The following KDM7A variants were observed in gnomAD, a reference collection of about 807,000 sequenced individuals.
The protein encoded by KDM7A is lysine-specific demethylase 7A.
A neutral mutation model predicts 114.8 loss-of-function variants in KDM7A; 28 were observed. The ratio of observed to expected loss-of-function variants is 0.24; its 90% CI spans 0.18 to 0.33. The LOEUF (loss-of-function observed/expected upper bound fraction) is 0.33, where lower values mean the gene tolerates loss of function less well. KDM7A is among the 10% of genes least tolerant of loss of function. KDM7A has a pLI of 1.00. For missense variants in KDM7A, 942 were observed against 1,142.5 expected (o/e 0.82, Z 2.53); for synonymous variants, 423 against 397.8 (o/e 1.06, Z -0.75).
chr7:140,169,587 G>A (rs1181381136), intron 1 of KDM7A, among the ~76,000 whole-genome samples: 2 of 152,080 alleles, frequency 1.3e-5, no homozygotes, highest in Admixed American at 6.5e-5. Flanking sequence ...GTGCAGTGGC[G>A]TGATCTCGGC....
chr7:140,161,408 C>T (rs757683), intron 1 of KDM7A, among the ~76,000 whole-genome samples: 65,666 of 152,162 alleles, frequency 0.43, 14,556 homozygotes, highest in African/African-American at 0.5. Context: ...TAAAATGCTA[C>T]CAAAACTGTT....
At chr7:140,142,797 C>A (rs943432080) in intron 1 of KDM7A, among the ~76,000 whole-genome samples, 29 of 152,034 alleles carry the variant, frequency 1.9e-4, no homozygotes, top group African/African-American at 6.5e-4. Context: ...CACCAGGATA[C>A]CTACCTATAC....
At chr7:140,097,106 A>C in intron 15 of KDM7A, 59 bp from the exon 16 acceptor site, 1 of 1,296,786 alleles carries the variant, frequency 7.7e-7, no homozygotes, top group Non-Finnish European at 1.1e-6. Context: ...GTCTGTACAA[A>C]TGAATCCGAA....
chr7:140,091,865 G>A lies in KDM7A; in HGVS notation c.2670C>T (p.Pro890=), dbSNP rs779396238. The change falls in exon 19 of 20, where the codon CCC becomes CCT. Residue 890 remains proline (P), a synonymous_variant. Transcript: ENST00000397560. ...RPVGETSFSV[P]LHPTKRPASN... is the part of the protein sequence containing the mutation. The stretch of plus-strand genomic sequence containing the variant: ...ATGCCGGTCTCTTGGTGGGGTGAAG[G>A]GGCACCGAGAAGGAAGTTTCACCAA... The A allele has an allele frequency of 6.8e-6, 11 of 1,613,644 alleles. No homozygotes were observed. Among genetic ancestry groups the A allele is most frequent in the East Asian group, 6.7e-5 (3 of 44,884 alleles).
In KDM7A at chr7:140,129,497, A is replaced by G. The variant is rs368809593; in HGVS notation, c.555T>C (p.Tyr185=). The stretch of plus-strand genomic sequence containing the variant: ...TTAAAGAAATAAAGTTCGTACCTAC[A>G]TAACGTTCCACATCCATCACAGAAA... ...PTFSVMDVER[Y]VGGDKVIDVI... Residue 185 remains tyrosine (Y), a synonymous_variant, in exon 4 of 20, where the codon TAT becomes TAC. Transcript: ENST00000397560. 1.7e-5 allele frequency: 27 copies of G among 1,612,966 alleles called. 1 individual carries two copies. The highest frequency in any genetic ancestry group is 4.5e-5 in the East Asian group (2 of 44,840).
At chr7:140,093,337 C>A (rs1252748968) in intron 18 of KDM7A, among the ~76,000 whole-genome samples, 2 of 152,218 alleles carry the variant, frequency 1.3e-5, no homozygotes, top group East Asian at 3.8e-4. Context: ...TCATGTTCCC[C>A]TCTGTCTCCT....
chr7:140,172,677 G>A (rs1366746925), intron 1 of KDM7A, among the ~76,000 whole-genome samples: 6 of 151,370 alleles, frequency 4.0e-5, no homozygotes, highest in African/African-American at 1.5e-4. Context: ...AGTAAACAAA[G>A]TAAATAACAA....
At chr7:140,097,115 A>T in intron 15 of KDM7A, 68 bp from the exon 16 acceptor site, 4 of 1,178,628 alleles carry the variant, frequency 3.4e-6, no homozygotes, top group Non-Finnish European at 4.8e-6. Context: ...AATGAATCCG[A>T]AAAGATTTTA....
Position 140,091,917 on chromosome 7 carries a change from T to C in KDM7A, c.2618A>G (p.Asn873Ser), listed in dbSNP as rs781357381. ...TGGCCTTTCTGGGCTTAGACTGCCA[T>C]TACTTATCTGGCACGCCCCCGAAGT... ...NLTSGACQISNGSLSPERPVG... is the reference protein window; with the variant it reads ...NLTSGACQISSGSLSPERPVG... Residue 873 changes from asparagine (N) to serine (S), a missense_variant, in exon 19 of 20, where the codon AAT becomes AGT. Physicochemically the swap from Asn to Ser is conservative, Grantham distance 46 (BLOSUM62 1). Around this residue, in one of 4 missense-constraint regions of KDM7A, gnomAD observed 512 missense variants for 576.6 expected, o/e 0.89. Coordinates refer to ENST00000397560, the MANE Select transcript of KDM7A (RefSeq NM_030647.2). The C allele has an allele frequency of 1.9e-6, 3 of 1,614,106 alleles. No homozygotes were observed. Among genetic ancestry groups the C allele is most frequent in the South Asian group, 2.2e-5 (2 of 91,072 alleles).
At chr7:140,091,309 G>A (rs12703533) in intron 19 of KDM7A, 121 bp from the exon 20 acceptor site, 231,531 of 707,454 alleles carry the variant, frequency 0.33, 39,507 homozygotes, top group Middle Eastern at 0.49. Flanking sequence ...TGCATGGACA[G>A]AGTCATACTT....
intron 9 of KDM7A, among the ~76,000 whole-genome samples, chr7:140,115,916 A>G (rs1161235437): frequency 6.6e-6 from 1 of 151,002 alleles, no homozygotes; most frequent in Non-Finnish European, 1.5e-5. Flanking sequence ...GCTTATACAC[A>G]TATGAAAAAA....
rs976739240 is a variant in KDM7A at position 140,104,382 on chromosome 7, A to G, written c.1429-2222T>C. Among the ~76,000 whole-genome samples the G allele has an allele frequency of 7.2e-5, 11 of 152,316 alleles. No homozygotes were observed. The South Asian group carries it at 2.1e-3, about 29-fold the overall frequency. On this transcript the variant is annotated intron_variant, in intron 11 of 19. Transcript: ENST00000397560. ...TGTTTTAGTCATGAAGTCATAGCCCATGCCTATGTCCTGAATGGTACTGCC... is the reference window on the plus strand; with the variant it reads ...TGTTTTAGTCATGAAGTCATAGCCCGTGCCTATGTCCTGAATGGTACTGCC...
At chr7:140,153,214 A>T (rs567030577) in intron 1 of KDM7A, among the ~76,000 whole-genome samples, 1 of 151,176 alleles carries the variant, frequency 6.6e-6, no homozygotes, top group South Asian at 2.1e-4. Flanking sequence ...CTTACTTTGC[A>T]TGGTAGTGCA....
At chr7:140,113,361 T>C in intron 10 of KDM7A, 130 bp downstream of exon 10, 1 of 486,260 alleles carries the variant, frequency 2.1e-6, no homozygotes. Flanking sequence ...AAATGCAGGT[T>C]GTATATAAAG....
At chr7:140,166,451 C>T (rs894360843) in intron 1 of KDM7A, among the ~76,000 whole-genome samples, 4 of 151,434 alleles carry the variant, frequency 2.6e-5, no homozygotes, top group Middle Eastern at 3.4e-3. Flanking sequence ...GCAATCCTCC[C>T]GCCTCAGCCT....
intron 12 of KDM7A, among the ~76,000 whole-genome samples, chr7:140,100,460 T>C (rs1051835456): frequency 1.3e-5 from 2 of 151,688 alleles, no homozygotes; most frequent in African/African-American, 2.4e-5. Context: ...CTGCTACCAC[T>C]AGGAACAAGG....
intron 3 of KDM7A, among the ~76,000 whole-genome samples, chr7:140,133,263 T>G (rs1818818122): frequency 6.6e-6 from 1 of 152,184 alleles, no homozygotes; most frequent in South Asian, 2.1e-4. Context: ...TTTCAAACTT[T>G]TTGGACTGTG....
chr7:140,138,553 T>C (rs776029337), intron 2 of KDM7A, among the ~76,000 whole-genome samples: 1 of 152,110 alleles, frequency 6.6e-6, no homozygotes, highest in Non-Finnish European at 1.5e-5. Flanking sequence ...TGGTGTGTCC[T>C]TGTATCTCTA....
chr7:140,097,613 T>C lies in KDM7A; in HGVS notation c.1948A>G (p.Arg650Gly), dbSNP rs1818136999. 3 of 1,605,588 alleles carry C rather than the reference T, an allele frequency of 1.9e-6. No homozygotes were observed. The highest frequency in any genetic ancestry group is 2.6e-6 in the Non-Finnish European group (3 of 1,172,502). ...TCAGAATATCCTGATGATCTACTCC[T>C]GAGTTCTGATTTCACACGTGTAAAA... is the stretch of plus-strand genomic sequence containing the variant. ...GFFTRVKSEL[R>G]SRSSGYSDIS... The change falls in exon 15 of 20, where the codon AGG (arginine) becomes GGG (glycine). Residue 650 changes from arginine to glycine, a missense_variant. By Grantham distance (125) the Arg-to-Gly change is moderately radical. This residue lies in a region of KDM7A where 512 missense variants were observed against 576.6 expected (regional missense o/e 0.89). Transcript: ENST00000397560.
Sources: gnomAD v4.1 joint callset for allele counts (sites outside exome capture counted in the v4.1 genomes callset) on GRCh38, gnomAD v4.1.1 for gene constraint, gnomAD v4.1.1 regional missense constraint, MANE v1.5 for transcripts, NCBI Gene and HGNC (gene_info 2026-07-23, HGNC 2026-07-21) for gene names.